Variants in EXOC4 observed in about 807,000 individuals in gnomAD.
EXOC4 encodes SEC8-like 1.
A neutral mutation model predicts 107.2 loss-of-function variants in EXOC4; 71 were observed. That is an observed-to-expected ratio of 0.66 (90% CI 0.55 to 0.81). The LOEUF (loss-of-function observed/expected upper bound fraction) is 0.81. EXOC4 is among the 30% of genes least tolerant of loss of function. The pLI is 0.00. For synonymous variants in EXOC4, 456 were observed against 441.2 expected, an observed-to-expected ratio of 1.03 and a Z score of -0.42; for missense variants, 1,108 against 1,189.6, an observed-to-expected ratio of 0.93 and a Z score of 1.01.
At chr7:133,722,554 C>T (rs1795126945) in intron 10 of EXOC4, among the ~76,000 whole-genome samples, 1 of 152,102 alleles carries the variant, frequency 6.6e-6, no homozygotes, top group South Asian at 2.1e-4. Flanking sequence ...AATATTGAAA[C>T]CCTGTCTTTG....
chr7:133,324,061 C>T (rs1259858429), intron 5 of EXOC4, among the ~76,000 whole-genome samples: 1 of 151,950 alleles, frequency 6.6e-6, no homozygotes, highest in Non-Finnish European at 1.5e-5. Flanking sequence ...GGTGATATCC[C>T]CTTTGTCATT....
At chr7:133,577,229 A>G (rs1801153167) in intron 9 of EXOC4, among the ~76,000 whole-genome samples, 1 of 152,202 alleles carries the variant, frequency 6.6e-6, no homozygotes, top group African/African-American at 2.4e-5. Flanking sequence ...TAATGTATTC[A>G]TCAGACCTCA....
At chr7:133,790,383 A>C (rs1427758858) in intron 10 of EXOC4, among the ~76,000 whole-genome samples, 1 of 152,218 alleles carries the variant, frequency 6.6e-6, no homozygotes, top group East Asian at 1.9e-4. Context: ...ACATGTTGCT[A>C]AGCACTGAGT....
chr7:133,443,191 G>C (rs538361247), intron 7 of EXOC4, among the ~76,000 whole-genome samples: 1 of 152,278 alleles, frequency 6.6e-6, no homozygotes, highest in South Asian at 2.1e-4. Context: ...CTCAGGCACA[G>C]GCATGGTTGT....
At chr7:134,060,657 G>T (rs911643561) in intron 17 of EXOC4, among the ~76,000 whole-genome samples, 1 of 152,148 alleles carries the variant, frequency 6.6e-6, no homozygotes, top group African/African-American at 2.4e-5. Flanking sequence ...CATTCTAATG[G>T]TATAGTTTGG....
chr7:133,694,925 C>T (rs1024575011), intron 10 of EXOC4, among the ~76,000 whole-genome samples: 3 of 152,046 alleles, frequency 2.0e-5, no homozygotes, highest in Non-Finnish European at 4.4e-5. Context: ...TGGGTTCAAG[C>T]GATTCTCCTG....
intron 9 of EXOC4, among the ~76,000 whole-genome samples, chr7:133,489,499 C>A (rs11505977): frequency 3.3e-5 from 5 of 152,078 alleles, no homozygotes; most frequent in African/African-American, 1.2e-4. Context: ...TGAACTACCC[C>A]TGAACGAGTA....
chr7:133,846,031 C>A (rs1798120158), intron 11 of EXOC4, among the ~76,000 whole-genome samples: 1 of 152,088 alleles, frequency 6.6e-6, no homozygotes, highest in Non-Finnish European at 1.5e-5. Flanking sequence ...CCCACACACA[C>A]ACACGAGAAC....
At chr7:134,021,708 A>T (rs1281552341) in intron 17 of EXOC4, among the ~76,000 whole-genome samples, 1 of 141,008 alleles carries the variant, frequency 7.1e-6, no homozygotes, top group Admixed American at 7.3e-5. Flanking sequence ...TCAGTTGCAG[A>T]TGGAGTCAAA....
At chr7:133,821,484 T>A (rs1407761863) in intron 11 of EXOC4, among the ~76,000 whole-genome samples, 1 of 152,010 alleles carries the variant, frequency 6.6e-6, no homozygotes, top group East Asian at 1.9e-4. Flanking sequence ...ATTTAGACAA[T>A]TTTTTTTAGC....
chr7:134,086,235 C>T, the EXOC4 span, among the ~76,000 whole-genome samples: 5 of 152,142 alleles, frequency 3.3e-5, no homozygotes, highest in Admixed American at 6.5e-5. Flanking sequence ...CCTGGATACA[C>T]AGGGAACAGG....
At chr7:133,695,161 C>A (rs1055130338) in intron 10 of EXOC4, among the ~76,000 whole-genome samples, 1 of 131,936 alleles carries the variant, frequency 7.6e-6, no homozygotes, top group Admixed American at 8.3e-5. Flanking sequence ...ACAATCTACT[C>A]CCTATCTCCA....
chr7:134,076,207 C>T, the EXOC4 span, among the ~76,000 whole-genome samples: 2 of 152,166 alleles, frequency 1.3e-5, no homozygotes, highest in East Asian at 1.9e-4. Flanking sequence ...TCAGTCAGTA[C>T]ATGTCTGTCC....
chr7:133,445,617 T>TACAA (rs10638999), intron 7 of EXOC4, among the ~76,000 whole-genome samples: 107,650 of 150,478 alleles, frequency 0.72, 38,791 homozygotes, highest in East Asian at 0.91. Context: ...GGACAGTTAC[T>TACAA]ACAAACAAAC....
chr7:134,049,236 G>C (rs2116569900), intron 17 of EXOC4, among the ~76,000 whole-genome samples: 1 of 152,154 alleles, frequency 6.6e-6, no homozygotes, highest in African/African-American at 2.4e-5. Flanking sequence ...ATCAAATCTT[G>C]GTAATAATAA....
At chr7:133,941,067 G>A (rs369905117) in intron 14 of EXOC4, among the ~76,000 whole-genome samples, 9 of 149,700 alleles carry the variant, frequency 6.0e-5, no homozygotes, top group South Asian at 2.1e-4. Context: ...GCGCGATCTC[G>A]GCTCACTGCA....
intron 10 of EXOC4, among the ~76,000 whole-genome samples, chr7:133,654,180 A>G (rs1327224077): frequency 2.6e-5 from 4 of 152,212 alleles, no homozygotes; most frequent in Non-Finnish European, 2.9e-5. Context: ...ATGAAAGAAT[A>G]TACCTTAGTA....
intron 10 of EXOC4, among the ~76,000 whole-genome samples, chr7:133,783,574 C>A (rs7809238): frequency 0.12 from 17,915 of 152,188 alleles, 1,147 homozygotes; most frequent in Middle Eastern, 0.15. Context: ...TCTATATTTT[C>A]TTGAACTCTG....
intron 17 of EXOC4, among the ~76,000 whole-genome samples, chr7:134,030,774 A>G (rs987601732): frequency 1.4e-5 from 2 of 147,962 alleles, no homozygotes; most frequent in East Asian, 2.1e-4. Context: ...ATTTATCTAG[A>G]TAAGTCTCTT....
Sources: allele counts gnomAD v4.1 joint callset (sites outside exome capture counted in the v4.1 genomes callset), GRCh38; gene constraint gnomAD v4.1.1; transcripts MANE v1.5; gene names NCBI Gene and HGNC (gene_info 2026-07-23, HGNC 2026-07-21).